Variants in SGIP1 observed in about 807,000 individuals in gnomAD.
SGIP1 encodes SH3-containing GRB2-like protein 3-interacting protein 1.
Under a neutral mutation model 107.5 loss-of-function variants are expected in SGIP1, and 38 were observed. The observed-to-expected ratio is 0.35, with a 90% CI of 0.27 to 0.46. The LOEUF is 0.46. SGIP1 is among the 20% of genes least tolerant of loss of function. SGIP1 has a pLI of 1.00. For synonymous variants in SGIP1, 365 were observed against 366.1 expected (o/e 1.00, Z 0.03); for missense variants, 929 against 1,019.5 (o/e 0.91, Z 1.21).
At chr1:66,654,374 A>T (rs2079322151) in intron 7 of SGIP1, among the ~76,000 whole-genome samples, 1 of 152,160 alleles carries the variant, frequency 6.6e-6, no homozygotes, top group Non-Finnish European at 1.5e-5. Context: ...GTGCACATCC[A>T]GTGAGATTGT....
chr1:66,688,808 T>C (rs542188137), intron 15 of SGIP1, among the ~76,000 whole-genome samples: 1 of 152,302 alleles, frequency 6.6e-6, no homozygotes, highest in Non-Finnish European at 1.5e-5. Flanking sequence ...GAATTTATTA[T>C]GTGTTTAATG....
At chr1:66,634,262 T>C (rs2075364417) in intron 3 of SGIP1, 3 of 876,854 alleles carry the variant, frequency 3.4e-6, no homozygotes, top group Non-Finnish European at 3.7e-6. Context: ...TTAGCTACTC[T>C]GCTTTCTATC....
intron 1 of SGIP1, among the ~76,000 whole-genome samples, chr1:66,556,998 T>A (rs563564714): frequency 6.6e-6 from 1 of 152,204 alleles, no homozygotes; most frequent in African/African-American, 2.4e-5. Flanking sequence ...ACATTCAGAT[T>A]TTTTGTATTT....
At chr1:66,679,352 A>G (rs924440113) in intron 13 of SGIP1, among the ~76,000 whole-genome samples, 1 of 152,120 alleles carries the variant, frequency 6.6e-6, no homozygotes, top group South Asian at 2.1e-4. Flanking sequence ...ATTCAACCCT[A>G]TGACCCTAGT....
intron 7 of SGIP1, 87 bp downstream of exon 7, chr1:66,643,806 C>T (rs1049233209): frequency 6.4e-6 from 8 of 1,243,778 alleles, no homozygotes; most frequent in Non-Finnish European, 8.6e-6. Context: ...ATCAGAAACT[C>T]CTTAAATTGA....
intron 5 of SGIP1, among the ~76,000 whole-genome samples, chr1:66,641,695 T>C (rs1397702704): frequency 1.3e-5 from 2 of 152,198 alleles, no homozygotes; most frequent in East Asian, 1.9e-4. Context: ...ATGCTTACCA[T>C]ATAATAAGAA....
chr1:66,664,776 C>T (rs1007172731), intron 8 of SGIP1, among the ~76,000 whole-genome samples: 40 of 151,650 alleles, frequency 2.6e-4, no homozygotes, highest in African/African-American at 9.4e-4. Flanking sequence ...CATGCATTAG[C>T]GCACATATTG....
In SGIP1 at chr1:66,630,213, C is replaced by T. The variant is rs76463369; in HGVS notation, c.75-2857C>T. ...TAAAAATTGTGGAAGACCATCCCAA[C>T]GGCTGCAATAAGCATGAGGTCAAAT... is the stretch of plus-strand genomic sequence containing the variant. On this transcript the variant is annotated intron_variant, in intron 2 of 24. Coordinates refer to ENST00000371037, the MANE Select transcript of SGIP1 (RefSeq NM_032291.4). 1.5e-3 allele frequency among the ~76,000 whole-genome samples: 228 copies of T among 152,282 alleles called. 1 individual carries two copies. Among genetic ancestry groups the T allele is most frequent in the Non-Finnish European group, 2.5e-3 (173 of 68,016 alleles).
At chr1:66,728,870 A>C (rs769709081) in intron 19 of SGIP1, among the ~76,000 whole-genome samples, 2 of 152,124 alleles carry the variant, frequency 1.3e-5, no homozygotes, top group Non-Finnish European at 2.9e-5. Flanking sequence ...AACAAACACC[A>C]CATGTTCTCA....
chr1:66,648,400 G>GTGAA (rs2078052094), intron 7 of SGIP1, among the ~76,000 whole-genome samples: 2 of 152,100 alleles, frequency 1.3e-5, no homozygotes, highest in South Asian at 4.2e-4. Flanking sequence ...GAGTGAGTGA[G>GTGAA]TGAGTGAACA....
At chr1:66,576,537 T>C (rs1239464346) in intron 1 of SGIP1, among the ~76,000 whole-genome samples, 1 of 152,224 alleles carries the variant, frequency 6.6e-6, no homozygotes, top group African/African-American at 2.4e-5. Flanking sequence ...CCAATGCACA[T>C]GTGAACACTC....
At chr1:66,571,541 C>G (rs1216950865) in intron 1 of SGIP1, among the ~76,000 whole-genome samples, 1 of 151,942 alleles carries the variant, frequency 6.6e-6, no homozygotes, top group Non-Finnish European at 1.5e-5. Context: ...TAAAATCATT[C>G]ATCTTGATAA....
At chr1:66,684,506 T>TCGTC (rs1170409695) in intron 15 of SGIP1, among the ~76,000 whole-genome samples, 1 of 152,192 alleles carries the variant, frequency 6.6e-6, no homozygotes, top group African/African-American at 2.4e-5. Context: ...AAGACATTAC[T>TCGTC]CGTCCGTTAT....
chr1:66,557,708 T>C (rs2058383858), intron 1 of SGIP1, among the ~76,000 whole-genome samples: 1 of 152,134 alleles, frequency 6.6e-6, no homozygotes, highest in East Asian at 1.9e-4. Context: ...CTAGACAAAA[T>C]TTCCATTAGG....
intron 1 of SGIP1, among the ~76,000 whole-genome samples, chr1:66,570,267 A>G (rs1398626685): frequency 1.3e-5 from 2 of 151,866 alleles, no homozygotes; most frequent in Non-Finnish European, 2.9e-5. Flanking sequence ...TTATCATCCT[A>G]GGAACTTTTT....
At chr1:66,552,152 G>A (rs964331418) in intron 1 of SGIP1, among the ~76,000 whole-genome samples, 1 of 152,118 alleles carries the variant, frequency 6.6e-6, no homozygotes, top group Non-Finnish European at 1.5e-5. Flanking sequence ...ATCATGATGG[G>A]CTTGTTAAGA....
At chr1:66,728,984 AG>A (rs1474105430) in intron 19 of SGIP1, among the ~76,000 whole-genome samples, 1 of 152,090 alleles carries the variant, frequency 6.6e-6, no homozygotes, top group East Asian at 1.9e-4. Flanking sequence ...AGAAAAGTTC[AG>A]AAAAAAAAAA....
rs893044905 is a variant in SGIP1, at chr1:66,729,785, T to C, written c.1898+366T>C. On this transcript the variant is annotated intron_variant, in intron 20 of 24. Coordinates refer to ENST00000371037, the MANE Select transcript of SGIP1 (RefSeq NM_032291.4). ...AAATAACAAGAATAAAATCCTTTCA[T>C]TGTATGAGCATCTTTTTATTTTTAT... Among the ~76,000 whole-genome samples the C allele has an allele frequency of 3.3e-5, 5 of 152,182 alleles. No homozygotes were observed. In the East Asian group the frequency reaches 5.8e-4, roughly 18 times the overall value.
intron 1 of SGIP1, among the ~76,000 whole-genome samples, chr1:66,588,423 G>A (rs532959741): frequency 3.3e-5 from 5 of 152,088 alleles, no homozygotes; most frequent in African/African-American, 1.2e-4. Context: ...GACTGTGGAA[G>A]AAAAGTAGAG....
Sources: gnomAD v4.1 joint callset for allele counts (sites outside exome capture counted in the v4.1 genomes callset) on GRCh38, gnomAD v4.1.1 for gene constraint, MANE v1.5 for transcripts, NCBI Gene and HGNC (gene_info 2026-07-23, HGNC 2026-07-21) for gene names.